DCC: variants seen among roughly 807,000 people sequenced by gnomAD.
The protein encoded by DCC is DCC netrin 1 receptor, also known as netrin receptor DCC.
DCC carries 58 observed loss-of-function variants against 172.5 expected under a neutral mutation model. That is an observed-to-expected ratio of 0.34 (90% CI 0.27 to 0.42). The LOEUF (loss-of-function observed/expected upper bound fraction) is 0.42. DCC is among the 10% of genes least tolerant of loss of function. The pLI is 1.00. For synonymous variants in DCC, 709 were observed against 644.5 expected (o/e 1.10, Z -1.52); for missense variants, 1,740 against 1,791.0 (o/e 0.97, Z 0.51).
At chr18:53,013,667 C>T (rs2041764584) in intron 5 of DCC, among the ~76,000 whole-genome samples, 1 of 150,356 alleles carries the variant, frequency 6.7e-6, no homozygotes, top group Admixed American at 6.7e-5. Context: ...GTGTAACAAA[C>T]TTGCACATTC....
intron 1 of DCC, among the ~76,000 whole-genome samples, chr18:52,615,132 A>C (rs1221556715): frequency 1.3e-5 from 2 of 152,186 alleles, no homozygotes; most frequent in African/African-American, 4.8e-5. Flanking sequence ...ATTTTGAGTA[A>C]AAGCATCATT....
intron 25 of DCC, among the ~76,000 whole-genome samples, chr18:53,479,711 G>A (rs2045809627): frequency 6.6e-6 from 1 of 152,032 alleles, no homozygotes; most frequent in African/African-American, 2.4e-5. Flanking sequence ...TTTAGATGAT[G>A]GAGTATAAAA....
At chr18:53,043,093 T>TA (rs929556977) in intron 5 of DCC, among the ~76,000 whole-genome samples, 12 of 151,556 alleles carry the variant, frequency 7.9e-5, no homozygotes, top group Admixed American at 1.3e-4. Flanking sequence ...TTAGACTGGA[T>TA]AAAAAAAATG....
At chr18:52,489,770 G>A (rs1312866924) in intron 1 of DCC, among the ~76,000 whole-genome samples, 2 of 152,060 alleles carry the variant, frequency 1.3e-5, no homozygotes, top group Admixed American at 1.3e-4. Flanking sequence ...GAACATAGAA[G>A]CTTCACCTGG....
chr18:53,370,751 A>G (rs2058052921), intron 15 of DCC, among the ~76,000 whole-genome samples: 1 of 151,880 alleles, frequency 6.6e-6, no homozygotes, highest in Non-Finnish European at 1.5e-5. Flanking sequence ...ATCTCTCACT[A>G]TGCATTGAAA....
At chr18:52,509,774 C>A (rs2031366899) in intron 1 of DCC, among the ~76,000 whole-genome samples, 1 of 152,182 alleles carries the variant, frequency 6.6e-6, no homozygotes, top group Non-Finnish European at 1.5e-5. Context: ...GCTACACCCC[C>A]ACGGATGAAC....
At chr18:52,911,586 T>A (rs969916311) in intron 3 of DCC, among the ~76,000 whole-genome samples, 1 of 152,028 alleles carries the variant, frequency 6.6e-6, no homozygotes, top group Non-Finnish European at 1.5e-5. Context: ...AATTTAGACT[T>A]GATTCAATTA....
intron 27 of DCC, among the ~76,000 whole-genome samples, chr18:53,511,627 G>A (rs912419783): frequency 6.6e-6 from 1 of 152,208 alleles, no homozygotes; most frequent in South Asian, 2.1e-4. Context: ...CCAAAGCAGG[G>A]CGAGGCATTG....
At chr18:52,708,910 A>C (rs76616046) in intron 1 of DCC, among the ~76,000 whole-genome samples, 1 of 152,200 alleles carries the variant, frequency 6.6e-6, no homozygotes, top group Non-Finnish European at 1.5e-5. Context: ...TGGTAGAATA[A>C]AAATCTGCAT....
chr18:52,565,009 G>A (rs931109903), intron 1 of DCC, among the ~76,000 whole-genome samples: 2 of 152,120 alleles, frequency 1.3e-5, no homozygotes, highest in African/African-American at 4.8e-5. Flanking sequence ...AATGTAAAAT[G>A]TGTAAGGGAC....
rs1396181767 is a variant in DCC, at chr18:53,427,961, T to C, written c.3164-7183T>C. 1.1e-4 allele frequency among the ~76,000 whole-genome samples: 5 copies of C among 45,852 alleles called. 1 individual carries two copies. Among genetic ancestry groups the C allele is most frequent in the African/African-American group, 2.9e-4 (5 of 17,526 alleles). The allele number at this position is 45,852 out of a possible 152,430, so 30.1% of individuals were successfully genotyped here. On this transcript the variant is annotated intron_variant, in intron 21 of 28. Coordinates refer to ENST00000442544, the MANE Select transcript of DCC (RefSeq NM_005215.4). The stretch of plus-strand genomic sequence containing the variant: ...TAATATATTATAATATATAATATAA[T>C]AATATAATATATAATATAATATAAT...
chr18:52,529,371 A>G (rs2032079581), intron 1 of DCC, among the ~76,000 whole-genome samples: 1 of 152,108 alleles, frequency 6.6e-6, no homozygotes, highest in African/African-American at 2.4e-5. Flanking sequence ...GCTCACTGCA[A>G]GCTCCGCCTC....
intron 1 of DCC, among the ~76,000 whole-genome samples, chr18:52,476,676 C>T (rs774434152): frequency 6.6e-6 from 1 of 152,110 alleles, no homozygotes; most frequent in Non-Finnish European, 1.5e-5. Flanking sequence ...TTCTAAGGAG[C>T]TGTGTATGAC....
intron 1 of DCC, among the ~76,000 whole-genome samples, chr18:52,383,148 CA>C (rs1056267976): frequency 2.0e-5 from 3 of 152,134 alleles, no homozygotes; most frequent in Non-Finnish European, 4.4e-5. Flanking sequence ...TTCTCAAAGA[CA>C]AAATTCTTGA....
chr18:53,323,326 A>G (rs1288730429), intron 14 of DCC, among the ~76,000 whole-genome samples: 2 of 152,102 alleles, frequency 1.3e-5, no homozygotes, highest in African/African-American at 4.8e-5. Context: ...CTATAGCCAC[A>G]AATTTGGTTT....
intron 7 of DCC, among the ~76,000 whole-genome samples, chr18:53,085,201 A>T (rs1461092740): frequency 6.6e-6 from 1 of 152,224 alleles, no homozygotes; most frequent in Non-Finnish European, 1.5e-5. Flanking sequence ...TGCATTCAAT[A>T]GCTTTTGCAG....
At chr18:53,065,603 T>C (rs2042554863) in intron 6 of DCC, among the ~76,000 whole-genome samples, 1 of 152,222 alleles carries the variant, frequency 6.6e-6, no homozygotes, top group Admixed American at 6.5e-5. Flanking sequence ...CCAACTTTGA[T>C]TTCTTGTCCT....
chr18:52,691,282 G>A (rs1394310019), intron 1 of DCC, among the ~76,000 whole-genome samples: 1 of 152,102 alleles, frequency 6.6e-6, no homozygotes, highest in African/African-American at 2.4e-5. Flanking sequence ...AGGAACATCA[G>A]TGCCCTGGCC....
intron 1 of DCC, among the ~76,000 whole-genome samples, chr18:52,652,699 G>A (rs1457161035): frequency 1.0e-5 from 1 of 95,880 alleles, no homozygotes; most frequent in African/African-American, 3.9e-5. Flanking sequence ...CATTACAACA[G>A]GACTGCAATA....
Sources: allele counts gnomAD v4.1 joint callset (sites outside exome capture counted in the v4.1 genomes callset), GRCh38; gene constraint gnomAD v4.1.1; transcripts MANE v1.5; gene names NCBI Gene and HGNC (gene_info 2026-07-23, HGNC 2026-07-21).